DNAJC1: variants seen among roughly 807,000 people sequenced by gnomAD.
The protein encoded by DNAJC1 is DnaJ heat shock protein family (Hsp40) member C1.
In DNAJC1, 58 loss-of-function variants were observed where a neutral mutation model predicts 76.6. The ratio of observed to expected loss-of-function variants is 0.76; its 90% CI spans 0.61 to 0.94. The LOEUF (loss-of-function observed/expected upper bound fraction) is 0.94, where lower values mean the gene tolerates loss of function less well. DNAJC1 is among the 40% of genes least tolerant of loss of function. The pLI is 0.00. For missense variants in DNAJC1, 689 were observed against 677.3 expected (o/e 1.02, Z -0.19); for synonymous variants, 258 against 267.9 (o/e 0.96, Z 0.36).
rs117532229 is a variant in DNAJC1 at position 21,963,191 on chromosome 10, T to C, written c.223-34050A>G. The stretch of plus-strand genomic sequence containing the variant: ...AAAAACAAGTACACAGAAATATGCA[T>C]ATGTCTCACTAACTACAGCTATTTA... On this transcript the variant is annotated intron_variant, in intron 1 of 11. Transcript: ENST00000376980. 2.2e-3 allele frequency among the ~76,000 whole-genome samples: 333 copies of C among 152,332 alleles called. 7 individuals carry two copies. In the East Asian group the frequency reaches 0.06, roughly 28 times the overall value.
chr10:21,813,479 T>C (rs1382621493), intron 8 of DNAJC1, among the ~76,000 whole-genome samples: 1 of 150,944 alleles, frequency 6.6e-6, no homozygotes, highest in Non-Finnish European at 1.5e-5. Flanking sequence ...CACTGCAAGC[T>C]CTGCCTCCCG....
At chr10:21,873,200 C>T (rs1316188685) in intron 8 of DNAJC1, among the ~76,000 whole-genome samples, 2 of 152,082 alleles carry the variant, frequency 1.3e-5, no homozygotes, top group South Asian at 4.1e-4. Flanking sequence ...TTGGGGAGCT[C>T]GGATTTTGGA....
chr10:21,904,611 T>C lies in DNAJC1; in HGVS notation c.731A>G (p.Asp244Gly), dbSNP rs769879922. The C allele has an allele frequency of 1.9e-6, 3 of 1,585,272 alleles. No homozygotes were observed. Among genetic ancestry groups the C allele is most frequent in the African/African-American group, 2.7e-5 (2 of 73,888 alleles). Reference protein sequence around the residue: ...TLKALPHLIQDAGQFYAKYKE... With the variant: ...TLKALPHLIQGAGQFYAKYKE... ...ATATTTAGCATAAAACTGCCCAGCA[T>C]CCTTAAGAAAAAAAGTTATACATAA... The change falls in exon 7 of 12, where the codon GAT becomes GGT. Residue 244 changes from aspartate (D) to glycine (G), a missense_variant and splice_region_variant. By Grantham distance (94) the Asp-to-Gly change is moderately conservative. Transcript: ENST00000376980.
chr10:21,995,454 C>T (rs570171812), intron 1 of DNAJC1, among the ~76,000 whole-genome samples: 4 of 152,272 alleles, frequency 2.6e-5, no homozygotes, highest in Non-Finnish European at 4.4e-5. Context: ...AAGGAAATTA[C>T]GTCATTTTAG....
chr10:21,783,899 A>G (rs1291878083), intron 9 of DNAJC1, among the ~76,000 whole-genome samples: 2 of 152,260 alleles, frequency 1.3e-5, no homozygotes, highest in East Asian at 3.8e-4. Context: ...ACAAACATTA[A>G]TTCAAGGTGG....
At chr10:21,973,735 C>T (rs1037356811) in intron 1 of DNAJC1, among the ~76,000 whole-genome samples, 1 of 55,806 alleles carries the variant, frequency 1.8e-5, no homozygotes, top group East Asian at 6.0e-3. Context: ...ATGCTCACTA[C>T]TTAAAAAAAA....
chr10:21,779,795 C>T (rs1441753214), intron 9 of DNAJC1, among the ~76,000 whole-genome samples: 2 of 152,110 alleles, frequency 1.3e-5, no homozygotes, highest in Non-Finnish European at 2.9e-5. Flanking sequence ...TCAAACTTCT[C>T]CAAGCTAAAG....
chr10:21,857,207 A>G (rs1481663597), intron 8 of DNAJC1, among the ~76,000 whole-genome samples: 1 of 152,200 alleles, frequency 6.6e-6, no homozygotes, highest in African/African-American at 2.4e-5. Context: ...TTACTTGGAA[A>G]TGAAGAGGGT....
intron 8 of DNAJC1, among the ~76,000 whole-genome samples, chr10:21,832,649 T>C (rs1835378686): frequency 6.6e-6 from 1 of 152,210 alleles, no homozygotes; most frequent in African/African-American, 2.4e-5. Context: ...GTCTCTCCCC[T>C]GGTCTCTATT....
chr10:21,951,699 A>G (rs990767784), intron 1 of DNAJC1, among the ~76,000 whole-genome samples: 15 of 152,336 alleles, frequency 9.8e-5, no homozygotes, highest in African/African-American at 3.4e-4. Flanking sequence ...ATTAGTAACT[A>G]CTACTACAAG....
chr10:21,824,552 C>T (rs1835213399), intron 8 of DNAJC1, among the ~76,000 whole-genome samples: 1 of 152,142 alleles, frequency 6.6e-6, no homozygotes, highest in Middle Eastern at 3.4e-3. Flanking sequence ...CAAATGTCAG[C>T]CCTGTGTTAC....
intron 1 of DNAJC1, among the ~76,000 whole-genome samples, chr10:21,994,528 C>T (rs908213627): frequency 2.0e-5 from 3 of 152,140 alleles, no homozygotes; most frequent in Non-Finnish European, 4.4e-5. Flanking sequence ...GTGGCTCACA[C>T]CTGTAATCCC....
chr10:21,936,707 T>C (rs750958173), intron 1 of DNAJC1, among the ~76,000 whole-genome samples: 3 of 152,152 alleles, frequency 2.0e-5, no homozygotes, highest in Admixed American at 6.5e-5. Flanking sequence ...TAAACTGGTA[T>C]TAATCCAAAC....
At chr10:21,853,645 T>C (rs1311500420) in intron 8 of DNAJC1, among the ~76,000 whole-genome samples, 1 of 151,680 alleles carries the variant, frequency 6.6e-6, no homozygotes, top group Non-Finnish European at 1.5e-5. Flanking sequence ...AATATAAAAA[T>C]TAGCTGGGCG....
At position 21,868,132 on chromosome 10, in the gene DNAJC1, T is replaced by TTC. The variant is rs1340568157; in HGVS notation, c.978+14149_978+14150insGA. On this transcript the variant is annotated intron_variant, in intron 8 of 11. Coordinates refer to ENST00000376980, the MANE Select transcript of DNAJC1 (RefSeq NM_022365.4). ...ACTGGAAACAATGAAAATATTCTTT[T>TTC]TTTTTTTTTGAGACGGAGTTTCGCT... Among the ~76,000 whole-genome samples, 205 of 148,304 alleles carry TTC rather than the reference T, an allele frequency of 1.4e-3. 3 individuals carry two copies. Among genetic ancestry groups the TTC allele is most frequent in the African/African-American group, 4.6e-3 (186 of 40,498 alleles).
intron 1 of DNAJC1, among the ~76,000 whole-genome samples, chr10:21,966,400 T>C (rs915858043): frequency 1.1e-4 from 16 of 151,076 alleles, no homozygotes; most frequent in Non-Finnish European, 2.2e-4. Flanking sequence ...TTCTTGTCTG[T>C]AACAGTAAAT....
intron 1 of DNAJC1, among the ~76,000 whole-genome samples, chr10:21,987,458 A>G (rs973975688): frequency 4.6e-5 from 7 of 152,200 alleles, no homozygotes; most frequent in African/African-American, 4.8e-5. Context: ...TAGAGGCACT[A>G]AACTGTGGTC....
intron 9 of DNAJC1, among the ~76,000 whole-genome samples, chr10:21,772,963 G>A (rs1225403449): frequency 6.6e-6 from 1 of 152,090 alleles, no homozygotes. Flanking sequence ...CAGAGAGCGA[G>A]GGGGAAATGG....
At chr10:21,840,679 A>C (rs1173157902) in intron 8 of DNAJC1, among the ~76,000 whole-genome samples, 2 of 152,210 alleles carry the variant, frequency 1.3e-5, no homozygotes, top group Non-Finnish European at 2.9e-5. Flanking sequence ...CATACTGCCC[A>C]AGGTAATTTA....
Sources: gnomAD v4.1 joint callset for allele counts (sites outside exome capture counted in the v4.1 genomes callset) on GRCh38, gnomAD v4.1.1 for gene constraint, MANE v1.5 for transcripts, NCBI Gene and HGNC (gene_info 2026-07-23, HGNC 2026-07-21) for gene names.